GPC4: variants seen among roughly 807,000 people sequenced by gnomAD.
GPC4 encodes the protein glypican 4, also known as glypican-4.
In GPC4, 10 loss-of-function variants were observed where a neutral mutation model predicts 35.0. That is an observed-to-expected ratio of 0.29 (90% CI 0.18 to 0.48). The LOEUF (loss-of-function observed/expected upper bound fraction) is 0.48. GPC4 is among the 20% of genes least tolerant of loss of function. The pLI, the probability that GPC4 is intolerant of heterozygous loss-of-function variation, is 0.99. For missense variants in GPC4, 322 were observed against 451.3 expected (o/e 0.71, Z 2.60); for synonymous variants, 167 against 170.2 (o/e 0.98, Z 0.15).
At chrX:133,332,429 T>G (rs761151911) in intron 2 of GPC4, among the ~76,000 whole-genome samples, 1 of 111,534 alleles carries the variant, frequency 9.0e-6, no homozygotes, top group Non-Finnish European at 1.9e-5. Context: ...AGACAGAGTC[T>G]TGCTCTGTCA....
At chrX:133,311,534 T>C (rs771274300) in intron 3 of GPC4, 111 bp from the exon 4 acceptor site, 2 of 711,301 alleles carry the variant, frequency 2.8e-6, no homozygotes, top group Non-Finnish European at 4.4e-6. Flanking sequence ...GAATGAGTTG[T>C]GATTGATCAC....
chrX:133,302,847 T>C lies in GPC4; in HGVS notation c.*20A>G. The C allele has an allele frequency of 8.3e-7, 1 of 1,200,447 alleles. No individual in the cohort carries two copies. Among genetic ancestry groups the C allele is most frequent in the African/African-American group, 1.7e-5 (1 of 57,630 alleles). On this transcript the variant is annotated 3_prime_UTR_variant, in exon 9 of 9. Transcript: ENST00000370828. ...TGCCTTTTAACTTTTTGATGAACAC[T>C]TTTTCTCAGAGTTTGAGAATTATCT...
chrX:133,344,335 C>T (rs1214405034), intron 1 of GPC4, among the ~76,000 whole-genome samples: 1 of 103,650 alleles, frequency 9.6e-6, no homozygotes, highest in East Asian at 3.0e-4. Context: ...AAGCAATTCT[C>T]CTGCCTCAGC....
intron 1 of GPC4, among the ~76,000 whole-genome samples, chrX:133,353,931 G>A (rs1000313556): frequency 9.0e-6 from 1 of 111,277 alleles, no homozygotes; most frequent in African/African-American, 3.3e-5. Context: ...ATGGCACGCA[G>A]CATTACTACT....
At chrX:133,362,347 T>C (rs2068572929) in intron 1 of GPC4, among the ~76,000 whole-genome samples, 1 of 111,317 alleles carries the variant, frequency 9.0e-6, no homozygotes, top group African/African-American at 3.3e-5. Flanking sequence ...GTACCAAATG[T>C]CACATGCCAT....
intron 3 of GPC4, among the ~76,000 whole-genome samples, chrX:133,320,093 A>AT (rs1203143856): frequency 8.9e-6 from 1 of 111,913 alleles, no homozygotes; most frequent in Non-Finnish European, 1.9e-5. Context: ...AAGCAAAAAC[A>AT]TTGTCTTTTT....
intron 1 of GPC4, among the ~76,000 whole-genome samples, chrX:133,384,979 A>T (rs1278749376): frequency 1.8e-5 from 2 of 112,020 alleles, no homozygotes; most frequent in Non-Finnish European, 3.8e-5. Flanking sequence ...GAGAACCCTA[A>T]ATCAGGACTC....
chrX:133,393,263 C>T (rs891330097), intron 1 of GPC4, among the ~76,000 whole-genome samples: 11 of 110,829 alleles, frequency 9.9e-5, no homozygotes, highest in Admixed American at 7.7e-4. Context: ...AAAAGTGAGA[C>T]ACACAGACAT....
rs758308712 is a variant in GPC4, at chrX:133,332,614, G to A, written c.319+6569C>T. Among the ~76,000 whole-genome samples, 8 of 111,542 alleles carry A rather than the reference G, an allele frequency of 7.2e-5. No homozygotes were observed. The East Asian group carries it at 8.5e-4, about 12-fold the overall frequency. On this transcript the variant is annotated intron_variant, in intron 2 of 8. Coordinates refer to ENST00000370828, the MANE Select transcript of GPC4 (RefSeq NM_001448.3). The stretch of plus-strand genomic sequence containing the variant: ...GTGTTTCACCATGTTGGCCAGGCTC[G>A]TCTCAAACTCCTGACCTCAAGTGAT...
intron 2 of GPC4, among the ~76,000 whole-genome samples, chrX:133,335,198 A>C (rs772934655): frequency 1.8e-5 from 2 of 111,118 alleles, no homozygotes; most frequent in Non-Finnish European, 3.8e-5. Flanking sequence ...TACTATCAAA[A>C]AATTCCCAGA....
chrX:133,323,398 T>G (rs1297162613), intron 3 of GPC4, among the ~76,000 whole-genome samples: 5 of 111,741 alleles, frequency 4.5e-5, no homozygotes, highest in African/African-American at 1.6e-4. Flanking sequence ...GAGAATTGCT[T>G]GAGCCCCGGA....
chrX:133,413,633 C>A (rs758208775), intron 1 of GPC4, among the ~76,000 whole-genome samples: 30 of 110,343 alleles, frequency 2.7e-4, no homozygotes, highest in South Asian at 1.2e-3. Flanking sequence ...AGGCTCAGCC[C>A]CCCCCCCGGG....
intron 1 of GPC4, among the ~76,000 whole-genome samples, chrX:133,374,996 C>A (rs2068627543): frequency 8.9e-6 from 1 of 111,868 alleles, no homozygotes; most frequent in Non-Finnish European, 1.9e-5. Flanking sequence ...GCCTGGTTGG[C>A]CAATATGGTC....
chrX:133,322,920 A>G (rs1253199738), intron 3 of GPC4, among the ~76,000 whole-genome samples: 3 of 111,650 alleles, frequency 2.7e-5, no homozygotes, highest in African/African-American at 9.8e-5. Context: ...CTTCCCTGGT[A>G]TTGACTCATG....
At chrX:133,410,427 T>C (rs2068807724) in intron 1 of GPC4, among the ~76,000 whole-genome samples, 1 of 112,326 alleles carries the variant, frequency 8.9e-6, no homozygotes, top group East Asian at 2.8e-4. Context: ...TTGTTGTGGG[T>C]TTTAAATGAG....
rs993371910 is a variant in GPC4 at position 133,301,734 on chromosome X, T to A, written c.*1133A>T. The A allele has an allele frequency of 1.8e-5, 2 of 112,032 alleles. No individual in the cohort carries two copies. The highest frequency in any genetic ancestry group is 3.8e-5 in the Non-Finnish European group (2 of 53,208). 9.2% of individuals were successfully genotyped at this position (112,032 alleles called of 1,213,427 possible). A position where few individuals can be genotyped will look rare whatever the true frequency, so the allele number is the denominator to read the frequency against. On this transcript the variant is annotated 3_prime_UTR_variant, in exon 9 of 9. Transcript: ENST00000370828. ...AGAAAAAGACTCAAATGAGACACCT[T>A]ATACTCTCTTAAAACAAAAACTGGG...
intron 2 of GPC4, among the ~76,000 whole-genome samples, chrX:133,335,821 C>T (rs2068440576): frequency 8.9e-6 from 1 of 111,938 alleles, no homozygotes; most frequent in African/African-American, 3.2e-5. Flanking sequence ...GAAGTGGTAT[C>T]TCATAGACAT....
intron 1 of GPC4, among the ~76,000 whole-genome samples, chrX:133,396,159 T>A (rs753314130): frequency 1.9e-3 from 214 of 111,773 alleles, no homozygotes; most frequent in African/African-American, 6.4e-3. Context: ...AAGAACAAAT[T>A]AATGGTCCCT....
At chrX:133,394,188 T>C (rs752751647) in intron 1 of GPC4, among the ~76,000 whole-genome samples, 18 of 109,792 alleles carry the variant, frequency 1.6e-4, no homozygotes, top group Non-Finnish European at 3.2e-4. Flanking sequence ...GGAGAATCGC[T>C]TGAATCGGGA....
Sources: allele counts gnomAD v4.1 joint callset (sites outside exome capture counted in the v4.1 genomes callset), GRCh38; gene constraint gnomAD v4.1.1; transcripts MANE v1.5; gene names NCBI Gene and HGNC (gene_info 2026-07-23, HGNC 2026-07-21).